The following SDCCAG8 variants were observed in gnomAD, a reference collection of about 807,000 sequenced individuals.
The protein encoded by SDCCAG8 is serologically defined colon cancer antigen 8.
In SDCCAG8, 74 loss-of-function variants were observed where a neutral mutation model predicts 101.8. The observed-to-expected ratio is 0.73, with a 90% CI of 0.60 to 0.88. The LOEUF (loss-of-function observed/expected upper bound fraction) is 0.88, where lower values mean the gene tolerates loss of function less well. SDCCAG8 is among the 40% of genes least tolerant of loss of function. The probability of loss-of-function intolerance (pLI) is 0.00; values close to 1 mark genes in which losing one functional copy is unlikely to be tolerated. For missense variants in SDCCAG8, 787 were observed against 822.6 expected (o/e 0.96, Z 0.53); for synonymous variants, 281 against 292.9 (o/e 0.96, Z 0.41).
At chr1:243,334,911 C>T (rs1242897322) in intron 10 of SDCCAG8, among the ~76,000 whole-genome samples, 1 of 152,136 alleles carries the variant, frequency 6.6e-6, no homozygotes, top group African/African-American at 2.4e-5. Flanking sequence ...GGTACCACCT[C>T]GTCTCCGCGC....
At chr1:243,450,575 TTTA>T (rs2083274810) in intron 16 of SDCCAG8, among the ~76,000 whole-genome samples, 1 of 152,208 alleles carries the variant, frequency 6.6e-6, no homozygotes, top group Non-Finnish European at 1.5e-5. Context: ...TAGCCCCTGT[TTTA>T]GTAGAGATAT....
At chr1:243,318,568 A>G (rs1444001895) in intron 9 of SDCCAG8, 22 of 985,126 alleles carry the variant, frequency 2.2e-5, no homozygotes, top group Non-Finnish European at 2.7e-5. Context: ...AGCCATTGCT[A>G]TGTCCATTTG....
At chr1:243,265,768 G>A (rs555329979) in intron 1 of SDCCAG8, among the ~76,000 whole-genome samples, 2 of 150,944 alleles carry the variant, frequency 1.3e-5, no homozygotes, top group African/African-American at 2.4e-5. Context: ...AGCCAAGATC[G>A]CACCATTGCA....
chr1:243,482,824 C>G (rs1356573617), intron 16 of SDCCAG8, among the ~76,000 whole-genome samples: 2 of 152,188 alleles, frequency 1.3e-5, no homozygotes, highest in Non-Finnish European at 2.9e-5. Flanking sequence ...CAATCCCTGC[C>G]TGTTGCAAAG....
intron 16 of SDCCAG8, among the ~76,000 whole-genome samples, chr1:243,470,146 T>C (rs539233037): frequency 6.6e-6 from 1 of 152,328 alleles, no homozygotes; most frequent in East Asian, 1.9e-4. Flanking sequence ...TTCACCTGAC[T>C]GAGATGAAGC....
In SDCCAG8 at chr1:243,438,857, T is replaced by G. The variant is rs1183218340; in HGVS notation, c.1985+12299T>G. 2.0e-5 allele frequency among the ~76,000 whole-genome samples: 3 copies of G among 152,188 alleles called. No individual in the cohort carries two copies. In the East Asian group the frequency reaches 5.8e-4, roughly 29 times the overall value. On this transcript the variant is annotated intron_variant, in intron 16 of 17. Coordinates refer to ENST00000366541, the MANE Select transcript of SDCCAG8 (RefSeq NM_006642.5). The stretch of plus-strand genomic sequence containing the variant: ...CTGAGTTTATTGACATTTTCACCAG[T>G]GATTTTGCTCGCATTATCCAACTAC...
At chr1:243,356,853 C>G (rs2076414368) in intron 12 of SDCCAG8, among the ~76,000 whole-genome samples, 1 of 151,992 alleles carries the variant, frequency 6.6e-6, no homozygotes, top group African/African-American at 2.4e-5. Context: ...AAAAAATTAC[C>G]CAGGTATGGT....
intron 12 of SDCCAG8, among the ~76,000 whole-genome samples, chr1:243,353,825 A>G (rs1296548365): frequency 6.6e-6 from 1 of 152,210 alleles, no homozygotes; most frequent in Non-Finnish European, 1.5e-5. Context: ...TTGGGAATGT[A>G]TGCATATGTA....
chr1:243,343,104 G>A (rs1328588357), intron 11 of SDCCAG8, among the ~76,000 whole-genome samples: 1 of 152,166 alleles, frequency 6.6e-6, no homozygotes, highest in Non-Finnish European at 1.5e-5. Flanking sequence ...TGGGACTACA[G>A]GCATGCGCTA....
intron 15 of SDCCAG8, among the ~76,000 whole-genome samples, chr1:243,420,068 C>T (rs1180579818): frequency 1.3e-5 from 2 of 152,150 alleles, no homozygotes; most frequent in African/African-American, 2.4e-5. Flanking sequence ...TGGTGCTATT[C>T]GCACCTCCTG....
At chr1:243,310,187 C>T (rs1573180213) in intron 8 of SDCCAG8, among the ~76,000 whole-genome samples, 1 of 152,054 alleles carries the variant, frequency 6.6e-6, no homozygotes, top group East Asian at 1.9e-4. Flanking sequence ...ATGACCTATA[C>T]TGCTTGGTTC....
chr1:243,483,005 C>A (rs1459130542), intron 16 of SDCCAG8, among the ~76,000 whole-genome samples: 3 of 152,148 alleles, frequency 2.0e-5, no homozygotes, highest in Non-Finnish European at 2.9e-5. Context: ...TGATGGCAAA[C>A]CCCCTCGCCC....
At chr1:243,317,004 A>G (rs2073307158) in intron 9 of SDCCAG8, 111 bp downstream of exon 9, 1 of 1,115,646 alleles carries the variant, frequency 9.0e-7, no homozygotes, top group East Asian at 2.6e-5. Context: ...CAAACACACA[A>G]AGTGAATTAT....
At chr1:243,453,963 A>G (rs1262834402) in intron 16 of SDCCAG8, among the ~76,000 whole-genome samples, 1 of 152,196 alleles carries the variant, frequency 6.6e-6, no homozygotes, top group Non-Finnish European at 1.5e-5. Flanking sequence ...TTGGCTTTAC[A>G]TAAACTCAGA....
intron 16 of SDCCAG8, among the ~76,000 whole-genome samples, chr1:243,470,318 A>G (rs973164117): frequency 6.6e-6 from 1 of 152,156 alleles, no homozygotes; most frequent in Non-Finnish European, 1.5e-5. Flanking sequence ...TGTGCTCACC[A>G]GGTTTCGTTT....
At chr1:243,266,730 T>A (rs1430736412) in intron 1 of SDCCAG8, among the ~76,000 whole-genome samples, 2 of 141,168 alleles carry the variant, frequency 1.4e-5, no homozygotes, top group East Asian at 4.2e-4. Flanking sequence ...CCGAGGTGTA[T>A]TTTTCTGTAC....
chr1:243,312,597 C>G (rs967626196), intron 8 of SDCCAG8, among the ~76,000 whole-genome samples: 6 of 151,484 alleles, frequency 4.0e-5, no homozygotes, highest in African/African-American at 1.5e-4. Context: ...TCCCAGTTAC[C>G]TGGGAGGCTG....
At chr1:243,486,919 G>A (rs1665026941) in intron 16 of SDCCAG8, among the ~76,000 whole-genome samples, 1 of 140,400 alleles carries the variant, frequency 7.1e-6, no homozygotes, top group Non-Finnish European at 1.5e-5. Context: ...GAGCAAGCAG[G>A]AAGCCACGGG....
intron 17 of SDCCAG8, among the ~76,000 whole-genome samples, chr1:243,493,055 C>A (rs1054580440): frequency 6.6e-6 from 1 of 152,166 alleles, no homozygotes; most frequent in Non-Finnish European, 1.5e-5. Context: ...CACTGAAGCA[C>A]TAGCCCAGCT....
Sources: allele counts gnomAD v4.1 joint callset (sites outside exome capture counted in the v4.1 genomes callset), GRCh38; gene constraint gnomAD v4.1.1; transcripts MANE v1.5; gene names NCBI Gene and HGNC (gene_info 2026-07-23, HGNC 2026-07-21).